The following NCS1 variants were observed in gnomAD, a reference collection of about 807,000 sequenced individuals.
The protein encoded by NCS1 is frequenin homolog.
NCS1 carries 6 observed loss-of-function variants against 28.4 expected under a neutral mutation model. The observed-to-expected ratio is 0.21, with a 90% CI of 0.12 to 0.42. The LOEUF (loss-of-function observed/expected upper bound fraction) is 0.42. Ranked by LOEUF, NCS1 falls within the 10% of genes least tolerant of loss-of-function variation. The pLI is 1.00. For missense variants in NCS1, 131 were observed against 241.4 expected, an observed-to-expected ratio of 0.54 and a Z score of 3.03; for synonymous variants, 86 against 99.3, an observed-to-expected ratio of 0.87 and a Z score of 0.79.
intron 1 of NCS1, among the ~76,000 whole-genome samples, chr9:130,198,862 G>A (rs1832907269): frequency 6.6e-6 from 1 of 152,046 alleles, no homozygotes; most frequent in Admixed American, 6.6e-5. Context: ...TCCAGGTTTG[G>A]GCTTTCAGCA....
chr9:130,225,488 TC>T (rs1237810550), intron 6 of NCS1, among the ~76,000 whole-genome samples: 2 of 152,386 alleles, frequency 1.3e-5, no homozygotes, highest in East Asian at 3.9e-4. Context: ...TTCCTTACTG[TC>T]CCCCTGTCTG....
chr9:130,233,934 C>T lies in NCS1; in HGVS notation c.*962C>T, dbSNP rs373779620. On this transcript the variant is annotated 3_prime_UTR_variant, in exon 8 of 8. Transcript: ENST00000372398. The surrounding 1 kb of genome is among the most constrained non-coding windows in gnomAD (Gnocchi z 4.8). The stretch of plus-strand genomic sequence containing the variant: ...TTCCCTGCTGCCTCTGTCCCCGCAT[C>T]CTTGTTCTCCCCTGGGTCCGTAACA... The T allele has an allele frequency of 1.2e-4, 19 of 152,232 alleles. No individual in the cohort carries two copies. The highest frequency in any genetic ancestry group is 4.3e-4 in the African/African-American group (18 of 41,418). 9.4% of individuals were successfully genotyped at this position (152,232 alleles called of 1,614,324 possible). A position where few individuals can be genotyped will look rare whatever the true frequency, so the allele number is the denominator to read the frequency against.
rs1216943808 is a variant in NCS1 at position 130,192,932 on chromosome 9, T to G, written c.65-8026T>G. Among the ~76,000 whole-genome samples the G allele has an allele frequency of 2.0e-5, 3 of 152,174 alleles. No homozygotes were observed. Among genetic ancestry groups the G allele is most frequent in the Admixed American group, 2.0e-4 (3 of 15,288 alleles). Reference sequence around the variant, plus strand: ...GGTTGGCACAGCTAGTAATGTCCTCTCTCACAGATGGGGAAACCGAAACCC... The same window carrying G: ...GGTTGGCACAGCTAGTAATGTCCTCGCTCACAGATGGGGAAACCGAAACCC... On this transcript the variant is annotated intron_variant, in intron 1 of 7. Coordinates refer to ENST00000372398, the MANE Select transcript of NCS1 (RefSeq NM_014286.4). The surrounding 1 kb of genome is among the most constrained non-coding windows in gnomAD (Gnocchi z 4.8).
chr9:130,189,856 C>T (rs1360516001), intron 1 of NCS1, among the ~76,000 whole-genome samples: 1 of 21,660 alleles, frequency 4.6e-5, no homozygotes, highest in South Asian at 2.3e-3. Context: ...TAGACTCCAT[C>T]TCAAAAAAAA....
At chr9:130,211,752 C>T (rs1475342661) in intron 2 of NCS1, among the ~76,000 whole-genome samples, 1 of 152,110 alleles carries the variant, frequency 6.6e-6, no homozygotes, top group African/African-American at 2.4e-5. Flanking sequence ...GTTTGCCAGG[C>T]ACAGGAGTGG....
At chr9:130,195,399 G>C (rs1235352247) in intron 1 of NCS1, among the ~76,000 whole-genome samples, 1 of 152,084 alleles carries the variant, frequency 6.6e-6, no homozygotes, top group African/African-American at 2.4e-5. Flanking sequence ...AGGGTCGGGA[G>C]GGCCTCCTAG....
chr9:130,224,650 T>C (rs1356397592), intron 6 of NCS1, among the ~76,000 whole-genome samples: 11 of 152,122 alleles, frequency 7.2e-5, no homozygotes, highest in African/African-American at 2.4e-4. Context: ...ACCCACCTAT[T>C]ATCAGGTACT....
intron 1 of NCS1, among the ~76,000 whole-genome samples, chr9:130,174,790 C>CAAAAAAAAAAAAAAAAAAA (rs34473694): frequency 1.1e-5 from 1 of 91,578 alleles, no homozygotes; most frequent in Non-Finnish European, 1.9e-5. Flanking sequence ...ACTCTGTCTC[C>CAAAAAAAAAAAAAAAAAAA]AAAAAAAAAA....
At chr9:130,213,435 C>T (rs950698036) in intron 2 of NCS1, among the ~76,000 whole-genome samples, 14 of 151,590 alleles carry the variant, frequency 9.2e-5, no homozygotes, top group African/African-American at 2.7e-4. Flanking sequence ...CCCGCCACCA[C>T]GCCCGGCTAA....
intron 2 of NCS1, among the ~76,000 whole-genome samples, chr9:130,204,086 G>A (rs1367084309): frequency 3.3e-5 from 5 of 152,090 alleles, no homozygotes; most frequent in Admixed American, 6.6e-5. Flanking sequence ...TCTGCCTCCC[G>A]GGTTCATGCG....
At chr9:130,196,313 G>T (rs1183685346) in intron 1 of NCS1, among the ~76,000 whole-genome samples, 3 of 152,228 alleles carry the variant, frequency 2.0e-5, no homozygotes, top group African/African-American at 7.2e-5. Flanking sequence ...GTGCAGGGAT[G>T]CCTCTGTGTC....
intron 1 of NCS1, among the ~76,000 whole-genome samples, chr9:130,174,879 G>A (rs1365156210): frequency 6.6e-6 from 1 of 151,874 alleles, no homozygotes; most frequent in Non-Finnish European, 1.5e-5. Context: ...GAAGGGCCTG[G>A]GGTGATAGTC....
chr9:130,198,269 C>T (rs1419434263), intron 1 of NCS1, among the ~76,000 whole-genome samples: 1 of 152,016 alleles, frequency 6.6e-6, no homozygotes, highest in African/African-American at 2.4e-5. Flanking sequence ...TGAGGAAGGA[C>T]GCAGAGACTG....
At chr9:130,173,842 C>A (rs1402434720) in intron 1 of NCS1, among the ~76,000 whole-genome samples, 10 of 152,216 alleles carry the variant, frequency 6.6e-5, no homozygotes, top group Non-Finnish European at 1.0e-4. Flanking sequence ...CGCTTCCCCC[C>A]ACTCCATCGG....
At chr9:130,225,448 G>A (rs374121721) in intron 6 of NCS1, among the ~76,000 whole-genome samples, 4 of 152,242 alleles carry the variant, frequency 2.6e-5, no homozygotes, top group African/African-American at 7.2e-5. Flanking sequence ...CGTGGTGTGC[G>A]TCCACGTGGC....
Position 130,226,775 on chromosome 9 carries a change from C to T in NCS1, c.*17+271C>T, listed in dbSNP as rs1365290404. The stretch of plus-strand genomic sequence containing the variant: ...GGCGCGGTGGCTCACGCCTGTAATC[C>T]CAGCACTTTGGGAAGCTGAAGCAGG... On this transcript the variant is annotated intron_variant, in intron 7 of 7. Coordinates refer to ENST00000372398, the MANE Select transcript of NCS1 (RefSeq NM_014286.4). This position sits in a 1 kb window ranked among gnomAD's most constrained non-coding sequence, Gnocchi z 4.8. 6.6e-6 allele frequency among the ~76,000 whole-genome samples: 1 copy of T among 151,970 alleles called. No individual in the cohort carries two copies. The highest frequency in any genetic ancestry group is 1.5e-5 in the Non-Finnish European group (1 of 68,008).
chr9:130,203,990 T>C (rs10819613), intron 2 of NCS1, among the ~76,000 whole-genome samples: 48,270 of 152,024 alleles, frequency 0.32, 7,992 homozygotes, highest in Admixed American at 0.38. Flanking sequence ...ATTTAAAAAA[T>C]TTTTTTTCTT....
In NCS1 at chr9:130,234,790, C is replaced by G. The variant is rs1833556571; in HGVS notation, c.*1818C>G. On this transcript the variant is annotated 3_prime_UTR_variant, in exon 8 of 8. Coordinates refer to ENST00000372398, the MANE Select transcript of NCS1 (RefSeq NM_014286.4). This position sits in a 1 kb window ranked among gnomAD's most constrained non-coding sequence, Gnocchi z 6.1. ...GGTTCCCCCCAGACCCTTGAGCGCT[C>G]TTTGGGACCCAGAAGGAGTCCTTGC... 1.3e-5 allele frequency: 2 copies of G among 152,238 alleles called. No homozygotes were observed. The highest frequency in any genetic ancestry group is 4.8e-5 in the African/African-American group (2 of 41,434). 9.4% of individuals were successfully genotyped at this position (152,238 alleles called of 1,614,324 possible). A position where few individuals can be genotyped will look rare whatever the true frequency, so the allele number is the denominator to read the frequency against.
chr9:130,183,744 CTTCT>C (rs1368216963), intron 1 of NCS1, among the ~76,000 whole-genome samples: 15 of 136,132 alleles, frequency 1.1e-4, no homozygotes, highest in South Asian at 9.2e-4. Context: ...CTCTTCCTTC[CTTCT>C]TTCTCTTTCT....
Sources: allele counts gnomAD v4.1 joint callset (sites outside exome capture counted in the v4.1 genomes callset), GRCh38; gene constraint gnomAD v4.1.1; non-coding constraint Gnocchi (gnomAD v3.1); transcripts MANE v1.5; gene names NCBI Gene and HGNC (gene_info 2026-07-23, HGNC 2026-07-21).